The following TBL1XR1 variants were observed in gnomAD, a reference collection of about 807,000 sequenced individuals.
TBL1XR1 encodes the protein F-box-like/WD repeat-containing protein TBL1XR1.
Under a neutral mutation model 66.9 loss-of-function variants are expected in TBL1XR1, and 5 were observed. The observed-to-expected ratio is 0.07, with a 90% CI of 0.04 to 0.16. The LOEUF is 0.16. Among genes scored for constraint, TBL1XR1 ranks in the 10% least tolerant of loss-of-function variants. The probability of loss-of-function intolerance (pLI) is 1.00; values close to 1 mark genes in which losing one functional copy is unlikely to be tolerated. For missense variants in TBL1XR1, 238 were observed against 623.2 expected (o/e 0.38, Z 6.58); for synonymous variants, 210 against 206.0 (o/e 1.02, Z -0.17).
chr3:177,179,602 T>A (rs986465326), intron 1 of TBL1XR1, among the ~76,000 whole-genome samples: 1 of 152,196 alleles, frequency 6.6e-6, no homozygotes, highest in African/African-American at 2.4e-5. Flanking sequence ...GCAGAAGTTA[T>A]TCCTAAACCC....
In TBL1XR1 at chr3:177,026,097, G is replaced by T. The variant is rs193029998; in HGVS notation, c.1518+276C>A. The T allele has an allele frequency of 2.0e-3, 882 of 433,018 alleles. 6 individuals are homozygous for T. The highest frequency in any genetic ancestry group is 2.7e-3 in the Non-Finnish European group (677 of 246,958). The allele number at this position is 433,018 out of a possible 1,614,324, so 26.8% of individuals were successfully genotyped here. ...TAAACATTTCAATCCTTCTCAGAAT[G>T]TTCCTCTGGTATACCTAATTTCATA... On this transcript the variant is annotated intron_variant, in intron 15 of 15. Transcript: ENST00000457928.
chr3:177,122,462 TTATCA>T (rs1727092896), intron 1 of TBL1XR1, among the ~76,000 whole-genome samples: 1 of 152,088 alleles, frequency 6.6e-6, no homozygotes, highest in Admixed American at 6.6e-5. Flanking sequence ...TCCCTTAACA[TTATCA>T]TGAGATCTGC....
chr3:177,165,743 A>G (rs1732744933), intron 1 of TBL1XR1, among the ~76,000 whole-genome samples: 2 of 152,164 alleles, frequency 1.3e-5, no homozygotes, highest in Non-Finnish European at 2.9e-5. Flanking sequence ...ACAACTAAAC[A>G]TCCATATGCA....
At chr3:177,183,603 C>T (rs1411854193) in intron 1 of TBL1XR1, among the ~76,000 whole-genome samples, 1 of 151,306 alleles carries the variant, frequency 6.6e-6, no homozygotes, top group Non-Finnish European at 1.5e-5. Context: ...CTCCGCCTCC[C>T]GGGTTCAAGT....
intron 1 of TBL1XR1, among the ~76,000 whole-genome samples, chr3:177,153,877 CAAAAAA>C (rs1007822226): frequency 2.3e-5 from 1 of 43,072 alleles, no homozygotes; most frequent in Non-Finnish European, 4.9e-5. Flanking sequence ...AACTCCATCT[CAAAAAA>C]AAAAAAAAAA....
intron 1 of TBL1XR1, among the ~76,000 whole-genome samples, chr3:177,179,921 G>A (rs1174261499): frequency 6.6e-6 from 1 of 152,140 alleles, no homozygotes; most frequent in Non-Finnish European, 1.5e-5. Flanking sequence ...AACAAACCAA[G>A]TAGAGAAGCA....
intron 1 of TBL1XR1, among the ~76,000 whole-genome samples, chr3:177,192,337 C>T (rs1011891313): frequency 2.7e-5 from 4 of 150,770 alleles, no homozygotes; most frequent in Admixed American, 6.6e-5. Context: ...AAGAGGAGAT[C>T]GCGCCATTGC....
chr3:177,197,840 C>T (rs1479272462), upstream of TBL1XR1, among the ~76,000 whole-genome samples: 2 of 146,872 alleles, frequency 1.4e-5, no homozygotes, highest in Non-Finnish European at 3.0e-5. Context: ...CTCGGGGCCC[C>T]GGGCCGCCCG....
At chr3:177,164,034 A>T (rs1732530675) in intron 1 of TBL1XR1, 1 of 152,214 alleles carries the variant, frequency 6.6e-6, no homozygotes, top group African/African-American at 2.4e-5. Context: ...CAACCAGAGA[A>T]TTATTAGCAA....
Position 177,019,725 on chromosome 3 carries a change from T to G in TBL1XR1, c.*5773A>C, listed in dbSNP as rs1336745832. On this transcript the variant is annotated 3_prime_UTR_variant, in exon 16 of 16. Coordinates refer to ENST00000457928, the MANE Select transcript of TBL1XR1 (RefSeq NM_024665.7). ...TTAAAAATAATCCCTTCTATTACTG[T>G]TCAAATTAGTTTCAGCTTTCCCTCA... 5 of 152,168 alleles carry G rather than the reference T, an allele frequency of 3.3e-5. No homozygotes were observed. Among genetic ancestry groups the G allele is most frequent in the Non-Finnish European group, 5.9e-5 (4 of 68,022 alleles). The allele number at this position is 152,168 out of a possible 1,614,324, so 9.4% of individuals were successfully genotyped here. A position where few individuals can be genotyped will look rare whatever the true frequency, so the allele number is the denominator to read the frequency against.
intron 1 of TBL1XR1, among the ~76,000 whole-genome samples, chr3:177,103,071 A>G (rs1247916111): frequency 6.6e-6 from 1 of 152,262 alleles, no homozygotes; most frequent in Admixed American, 6.5e-5. Context: ...AGATATAAAC[A>G]TATTTGAAAA....
chr3:177,031,678 C>A (rs1466115759), intron 14 of TBL1XR1, among the ~76,000 whole-genome samples: 1 of 148,840 alleles, frequency 6.7e-6, no homozygotes, highest in Non-Finnish European at 1.5e-5. Flanking sequence ...GTAATCCCAG[C>A]ACTTTGGGAG....
In TBL1XR1 at chr3:177,033,225, T is replaced by G. The variant is rs969982584; in HGVS notation, c.1251-89A>C. On this transcript the variant is annotated intron_variant, in intron 13 of 15. Transcript: ENST00000457928. The stretch of plus-strand genomic sequence containing the variant: ...ACCCAACCTCCCATATTCAGCCAAA[T>G]CTAATAGCCAAAATTCTTTATGAGA... The G allele has an allele frequency of 1.2e-5, 14 of 1,151,946 alleles. No homozygotes were observed. In the African/African-American group the frequency reaches 2.2e-4, roughly 18 times the overall value. The allele number at this position is 1,151,946 out of a possible 1,614,324, so 71.4% of individuals were successfully genotyped here.
At chr3:177,191,084 CA>C (rs201461254) in intron 1 of TBL1XR1, among the ~76,000 whole-genome samples, 2,389 of 152,138 alleles carry the variant, frequency 0.016, 56 homozygotes, top group African/African-American at 0.055. Context: ...GTGAGTATGG[CA>C]AAAACTACCG....
At chr3:177,155,210 C>G (rs907196657) in intron 1 of TBL1XR1, among the ~76,000 whole-genome samples, 1 of 152,034 alleles carries the variant, frequency 6.6e-6, no homozygotes, top group Non-Finnish European at 1.5e-5. Flanking sequence ...ACAAAGAAAG[C>G]GCTAATATCA....
At chr3:177,132,257 T>C (rs539804005) in intron 1 of TBL1XR1, among the ~76,000 whole-genome samples, 1 of 152,158 alleles carries the variant, frequency 6.6e-6, no homozygotes, top group Non-Finnish European at 1.5e-5. Context: ...CACTATGGGA[T>C]CCCTGGTTCC....
intron 1 of TBL1XR1, among the ~76,000 whole-genome samples, chr3:177,186,905 G>A (rs565690840): frequency 3.3e-5 from 5 of 152,106 alleles, no homozygotes; most frequent in African/African-American, 9.6e-5. Context: ...GGTGGCTCAC[G>A]CCTGTAATTC....
upstream of TBL1XR1, among the ~76,000 whole-genome samples, chr3:177,198,900 ACACACACT>A (rs2109034741): frequency 8.6e-6 from 1 of 116,066 alleles, no homozygotes; most frequent in African/African-American, 3.4e-5. Flanking sequence ...ACACACACAC[ACACACACT>A]ACTCGTAACT....
intron 3 of TBL1XR1, among the ~76,000 whole-genome samples, chr3:177,058,176 T>C (rs1406848962): frequency 2.0e-5 from 3 of 152,182 alleles, no homozygotes; most frequent in African/African-American, 7.2e-5. Flanking sequence ...CATACTGCCC[T>C]AGTCTGAAAC....
Sources: gnomAD v4.1 joint callset for allele counts (sites outside exome capture counted in the v4.1 genomes callset) on GRCh38, gnomAD v4.1.1 for gene constraint, MANE v1.5 for transcripts, NCBI Gene and HGNC (gene_info 2026-07-23, HGNC 2026-07-21) for gene names.